BCAS3: variants seen among roughly 807,000 people sequenced by gnomAD.
BCAS3 encodes BCAS3 microtubule associated cell migration factor, also known as BCAS4/BCAS3 fusion.
BCAS3 carries 53 observed loss-of-function variants against 116.1 expected under a neutral mutation model. The ratio of observed to expected loss-of-function variants is 0.46; its 90% CI spans 0.37 to 0.57. The LOEUF is 0.57. Among genes scored for constraint, BCAS3 ranks in the 20% least tolerant of loss-of-function variants. The probability of loss-of-function intolerance (pLI) is 0.00; values close to 1 mark genes in which losing one functional copy is unlikely to be tolerated. For missense variants in BCAS3, 917 were observed against 1,165.4 expected, an observed-to-expected ratio of 0.79 and a Z score of 3.10; for synonymous variants, 391 against 408.2, an observed-to-expected ratio of 0.96 and a Z score of 0.51.
intron 23 of BCAS3, among the ~76,000 whole-genome samples, chr17:61,372,945 G>C (rs1158717426): frequency 6.6e-6 from 1 of 152,144 alleles, no homozygotes; most frequent in Non-Finnish European, 1.5e-5. Flanking sequence ...ATAAACACCT[G>C]TGTACATATT....
rs1327547322 is a variant in BCAS3 at position 61,361,780 on chromosome 17, C to G, written c.2426-6547C>G. On this transcript the variant is annotated intron_variant, in intron 22 of 23. Coordinates refer to ENST00000407086, the MANE Select transcript of BCAS3 (RefSeq NM_017679.5). The surrounding 1 kb of genome is among the most constrained non-coding windows in gnomAD (Gnocchi z 6.5). ...GGCTGGTGGTATATAACCAGGGGAGCTGATGGTGTAAGTCCCGGTCCAAGT... is the reference window on the plus strand; with the variant it reads ...GGCTGGTGGTATATAACCAGGGGAGGTGATGGTGTAAGTCCCGGTCCAAGT... 6.6e-6 allele frequency: 1 copy of G among 152,160 alleles called. No individual in the cohort carries two copies. The highest frequency in any genetic ancestry group is 1.9e-4 in the East Asian group (1 of 5,170). 9.4% of individuals were successfully genotyped at this position (152,160 alleles called of 1,614,324 possible).
chr17:60,808,299 T>C (rs1346204585), intron 7 of BCAS3, among the ~76,000 whole-genome samples: 1 of 152,262 alleles, frequency 6.6e-6, no homozygotes, highest in Non-Finnish European at 1.5e-5. Flanking sequence ...TGAATTTTCT[T>C]TTTTATTTAT....
At chr17:61,308,425 G>A (rs1433209877) in intron 22 of BCAS3, among the ~76,000 whole-genome samples, 1 of 125,456 alleles carries the variant, frequency 8.0e-6, no homozygotes, top group Admixed American at 1.1e-4. Context: ...TGCAGCTAAA[G>A]TGGTTACCAT....
intron 22 of BCAS3, among the ~76,000 whole-genome samples, chr17:61,246,471 GAAAAAA>G (rs1007852809): frequency 9.9e-4 from 33 of 33,474 alleles, no homozygotes; most frequent in African/African-American, 2.6e-3. Context: ...GACTGTCTCA[GAAAAAA>G]AAAAAAAAAA....
chr17:60,802,293 A>ATAT (rs1555724540), intron 6 of BCAS3, among the ~76,000 whole-genome samples: 8 of 135,800 alleles, frequency 5.9e-5, no homozygotes, highest in African/African-American at 1.9e-4. Context: ...CAAAAAAAAA[A>ATAT]AAATATATAT....
intron 14 of BCAS3, 52 bp downstream of exon 14, chr17:60,947,404 A>G (rs765339695): frequency 6.5e-6 from 10 of 1,526,756 alleles, no homozygotes; most frequent in Admixed American, 1.8e-5. Context: ...TATGACATCT[A>G]CTCTAGCTGG....
chr17:60,950,941 CCTT>C (rs1343136013), intron 14 of BCAS3, among the ~76,000 whole-genome samples: 1 of 152,158 alleles, frequency 6.6e-6, no homozygotes, highest in Admixed American at 6.5e-5. Flanking sequence ...TTTAGAGTGA[CCTT>C]CTTGCGTTGC....
intron 22 of BCAS3, among the ~76,000 whole-genome samples, chr17:61,287,829 C>T (rs748322084): frequency 6.6e-6 from 1 of 152,166 alleles, no homozygotes; most frequent in Non-Finnish European, 1.5e-5. Flanking sequence ...AGGATATTCA[C>T]ATTTGTTCAG....
intron 15 of BCAS3, among the ~76,000 whole-genome samples, chr17:61,009,623 A>G (rs574100366): frequency 6.6e-6 from 1 of 152,074 alleles, no homozygotes; most frequent in African/African-American, 2.4e-5. Flanking sequence ...AAATACATTC[A>G]TTTTTTATTT....
At chr17:60,992,228 A>ACACACACT (rs1268847522) in intron 15 of BCAS3, among the ~76,000 whole-genome samples, 1 of 149,712 alleles carries the variant, frequency 6.7e-6, no homozygotes, top group Non-Finnish European at 1.5e-5. Flanking sequence ...ACACACACAC[A>ACACACACT]CACTCTGTAG....
intron 22 of BCAS3, among the ~76,000 whole-genome samples, chr17:61,202,176 CT>C (rs2080877925): frequency 7.9e-6 from 1 of 125,866 alleles, no homozygotes; most frequent in African/African-American, 2.9e-5. Context: ...CTCGCTCTGT[CT>C]CCCAGGTTGG....
chr17:61,152,829 C>G (rs542720483), intron 22 of BCAS3, among the ~76,000 whole-genome samples: 1 of 152,148 alleles, frequency 6.6e-6, no homozygotes, highest in Non-Finnish European at 1.5e-5. Flanking sequence ...GATGTGCTTA[C>G]CCCAACTGGG....
At chr17:61,284,822 A>G (rs2051584906) in intron 22 of BCAS3, among the ~76,000 whole-genome samples, 1 of 152,126 alleles carries the variant, frequency 6.6e-6, no homozygotes. Context: ...GAAAGCCTCC[A>G]CTCAACAGTA....
chr17:60,771,890 C>A (rs1309378493), intron 6 of BCAS3, among the ~76,000 whole-genome samples: 1 of 152,124 alleles, frequency 6.6e-6, no homozygotes, highest in Non-Finnish European at 1.5e-5. Flanking sequence ...TGAGCTCATC[C>A]TTTTTTATGG....
At chr17:61,290,624 AC>A (rs1456637681) in intron 22 of BCAS3, among the ~76,000 whole-genome samples, 1 of 152,152 alleles carries the variant, frequency 6.6e-6, no homozygotes, top group African/African-American at 2.4e-5. Flanking sequence ...TTTGTTTACT[AC>A]CCATTAGGGC....
rs869090870 is a variant in BCAS3 at position 61,059,063 on chromosome 17, C to CTTTTTTTTTTT, written c.2030-15830_2030-15820dup. Among the ~76,000 whole-genome samples, 160 of 32,802 alleles carry CTTTTTTTTTTT rather than the reference C, an allele frequency of 4.9e-3. 28 individuals carry two copies. Among genetic ancestry groups the CTTTTTTTTTTT allele is most frequent in the African/African-American group, 5.6e-3 (57 of 10,190 alleles). 21.5% of individuals were successfully genotyped at this position (32,802 alleles called of 152,430 possible). A position where few individuals can be genotyped will look rare whatever the true frequency, so the allele number is the denominator to read the frequency against. ...TCCCCGAACTCTTTTTTCTCCCCAT[C>CTTTTTTTTTTT]TTTTTTTTTTTTTTTTTTTTTTTTT... On this transcript the variant is annotated intron_variant, in intron 19 of 23. Transcript: ENST00000407086.
chr17:61,374,786 T>C (rs1323411979), intron 23 of BCAS3, among the ~76,000 whole-genome samples: 1 of 152,230 alleles, frequency 6.6e-6, no homozygotes, highest in Non-Finnish European at 1.5e-5. Context: ...TTACGGCCAG[T>C]GCATTCTAGT....
intron 22 of BCAS3, among the ~76,000 whole-genome samples, chr17:61,247,300 A>G (rs2048047456): frequency 6.6e-6 from 1 of 152,200 alleles, no homozygotes; most frequent in Admixed American, 6.5e-5. Flanking sequence ...TTCAGAAGGA[A>G]AACACTTGAA....
chr17:60,851,751 T>C (rs942549631), intron 7 of BCAS3: 10 of 922,274 alleles, frequency 1.1e-5, no homozygotes, highest in African/African-American at 3.2e-5. Context: ...ATTAATACCA[T>C]ATACCATGTC....
Sources: allele counts gnomAD v4.1 joint callset (sites outside exome capture counted in the v4.1 genomes callset), GRCh38; gene constraint gnomAD v4.1.1; non-coding constraint Gnocchi (gnomAD v3.1); transcripts MANE v1.5; gene names NCBI Gene and HGNC (gene_info 2026-07-23, HGNC 2026-07-21).